Variants in IDS observed in about 807,000 individuals in gnomAD.
IDS encodes iduronate 2-sulfatase.
IDS carries 1 observed loss-of-function variant against 33.5 expected under a neutral mutation model. The observed-to-expected ratio is 0.03, with a 90% CI of 0.01 to 0.14. The LOEUF (loss-of-function observed/expected upper bound fraction) is 0.14, where lower values mean the gene tolerates loss of function less well. IDS is among the 10% of genes least tolerant of loss of function. The pLI is 1.00. For synonymous variants in IDS, 191 were observed against 184.4 expected (o/e 1.04, Z -0.29); for missense variants, 328 against 448.0 (o/e 0.73, Z 2.42).
At position 149,480,785 on chromosome X, in the gene IDS, C is replaced by T. The variant is rs147148694; in HGVS notation, c.*1961G>A. On this transcript the variant is annotated 3_prime_UTR_variant, in exon 9 of 9. Transcript: ENST00000340855. ...GTGAGCCACCGCATCCGACTTCTAACGCACTGGGTTTTAACAAGCCCCTCA... is the reference window on the plus strand; with the variant it reads ...GTGAGCCACCGCATCCGACTTCTAATGCACTGGGTTTTAACAAGCCCCTCA... The T allele has an allele frequency of 5.6e-3, 659 of 117,002 alleles. 1 individual carries two copies. The highest frequency in any genetic ancestry group is 0.018 in the African/African-American group (558 of 31,205). The allele number at this position is 117,002 out of a possible 1,213,427, so 9.6% of individuals were successfully genotyped here.
At position 149,479,876 on chromosome X, in the gene IDS, A is replaced by G; in HGVS notation, c.*2870T>C. On this transcript the variant is annotated 3_prime_UTR_variant, in exon 9 of 9. Coordinates refer to ENST00000340855, the MANE Select transcript of IDS (RefSeq NM_000202.8). ...TGACACATCAGTTTTATAATTAGGA[A>G]AAAAATACCTTTTTAAAGTAAAGCG... is the stretch of plus-strand genomic sequence containing the variant. 1 of 151,398 alleles carries G rather than the reference A, an allele frequency of 6.6e-6. No individual in the cohort carries two copies. Among genetic ancestry groups the G allele is most frequent in the Non-Finnish European group, 1.3e-5 (1 of 78,125 alleles). The allele number at this position is 151,398 out of a possible 1,213,427, so 12.5% of individuals were successfully genotyped here.
chrX:149,504,441 G>T, intron 1 of IDS, 148 bp from the exon 2 acceptor site: 1 of 616,180 alleles, frequency 1.6e-6, no homozygotes, highest in Non-Finnish European at 2.6e-6. Flanking sequence ...CAGCAAGGGT[G>T]GGAGTGGGGC....
chrX:149,478,327 CATT>C lies in IDS; in HGVS notation c.*4416_*4418del, dbSNP rs1252695944. ...ATTTGTACATCCTTGTTGACAGCAA[CATT>C]ATTGCAATGGCCAAAAGGTAGAAAT... On this transcript the variant is annotated 3_prime_UTR_variant, in exon 9 of 9. Transcript: ENST00000340855. 1 of 112,000 alleles carries C rather than the reference CATT, an allele frequency of 8.9e-6. No homozygotes were observed. The highest frequency in any genetic ancestry group is 1.9e-5 in the Non-Finnish European group (1 of 53,202). The allele number at this position is 112,000 out of a possible 1,213,427, so 9.2% of individuals were successfully genotyped here.
chrX:149,491,844 G>A (rs973387492), intron 6 of IDS, among the ~76,000 whole-genome samples: 3 of 112,263 alleles, frequency 2.7e-5, no homozygotes, highest in Non-Finnish European at 5.6e-5. Flanking sequence ...TATCAGTGAG[G>A]CCTGCTGGGT....
At chrX:149,496,638 C>T (rs1016902095) in intron 5 of IDS, 122 bp from the exon 6 acceptor site, 3 of 716,663 alleles carry the variant, frequency 4.2e-6, no homozygotes, top group Non-Finnish European at 4.4e-6. Flanking sequence ...TGGTGGCTCA[C>T]TAGCATTCCC....
At chrX:149,487,416 C>T (rs1405413506) in intron 7 of IDS, 11 of 585,176 alleles carry the variant, frequency 1.9e-5, no homozygotes, top group Non-Finnish European at 3.2e-5. Flanking sequence ...CCCACACATG[C>T]GTTCCTCCCC....
intron 6 of IDS, among the ~76,000 whole-genome samples, chrX:149,494,895 G>A (rs1482629708): frequency 2.7e-5 from 3 of 111,702 alleles, no homozygotes; most frequent in Non-Finnish European, 5.6e-5. Flanking sequence ...ACATGAATTC[G>A]AACCCACACT....
chrX:149,490,071 A>C (rs1362354372), intron 7 of IDS, among the ~76,000 whole-genome samples: 3 of 106,736 alleles, frequency 2.8e-5, no homozygotes, highest in Non-Finnish European at 5.8e-5. Flanking sequence ...TTCATCAAGA[A>C]AAAAAAAAAA....
rs375547801 is a variant in IDS, at chrX:149,500,955, G to A, written c.501C>T (p.Asn167=). The A allele has an allele frequency of 5.2e-6, 6 of 1,155,919 alleles. No homozygotes were observed. The African/African-American group carries it at 1.1e-4, about 21-fold the overall frequency. The change falls in exon 4 of 9, where the codon AAC becomes AAT. Residue 167 remains asparagine, a synonymous_variant. Transcript: ENST00000340855. ...GTCCCTTTCACAGCCTTACCTTAGT[G>A]TTTTCATACTTCTCAGAGGAAGGAT... ...PYHPSSEKYE[N]TKTCRGPDGE...
intron 5 of IDS, 97 bp from the exon 6 acceptor site, chrX:149,496,613 T>G: frequency 2.1e-6 from 2 of 934,307 alleles, no homozygotes; most frequent in African/African-American, 3.8e-5. Flanking sequence ...TCTCTAAGCC[T>G]GGGATGCATT....
chrX:149,502,153 G>A (rs968180836), intron 3 of IDS: 67 of 329,441 alleles, frequency 2.0e-4, no homozygotes, highest in Non-Finnish European at 3.8e-4. Flanking sequence ...CAAAGATTCA[G>A]CTGAAAAATG....
chrX:149,484,606 C>T lies in IDS; in HGVS notation c.1181-1388G>A, dbSNP rs782530943. ...AAGTGCTGGGATTACTGGCGTGAGC[C>T]ACCACGCCCAGCCTTTCACAGCTTT... On this transcript the variant is annotated intron_variant, in intron 8 of 8. Coordinates refer to ENST00000340855, the MANE Select transcript of IDS (RefSeq NM_000202.8). Among the ~76,000 whole-genome samples the T allele has an allele frequency of 2.7e-5, 3 of 112,939 alleles. No individual in the cohort carries two copies. In the East Asian group the frequency reaches 8.3e-4, roughly 31 times the overall value.
At chrX:149,498,577 T>TA (rs1380817232) in intron 4 of IDS, among the ~76,000 whole-genome samples, 14 of 111,043 alleles carry the variant, frequency 1.3e-4, no homozygotes, top group Admixed American at 1.9e-4. Context: ...AGACTAATTA[T>TA]AAAAAAAAAT....
chrX:149,495,255 T>G (rs1557339162), intron 6 of IDS, among the ~76,000 whole-genome samples: 2 of 112,056 alleles, frequency 1.8e-5, no homozygotes, highest in African/African-American at 3.2e-5. Context: ...ATGGATGCAT[T>G]GCTTTCCAAA....
chrX:149,502,739 T>C (rs1412315271), intron 3 of IDS: 1 of 141,655 alleles, frequency 7.1e-6, no homozygotes, highest in African/African-American at 3.1e-5. Flanking sequence ...ATCCCCATAT[T>C]GGCATTAAAG....
chrX:149,490,070 A>G (rs2089375525), intron 7 of IDS, among the ~76,000 whole-genome samples: 1 of 103,302 alleles, frequency 9.7e-6, no homozygotes, highest in South Asian at 4.2e-4. Flanking sequence ...ATTCATCAAG[A>G]AAAAAAAAAA....
At chrX:149,502,619 T>C (rs2089489103) in intron 3 of IDS, 1 of 126,728 alleles carries the variant, frequency 7.9e-6, no homozygotes, top group Non-Finnish European at 1.6e-5. Flanking sequence ...TAAGCATTAT[T>C]GTCCCTATGG....
intron 3 of IDS, chrX:149,503,059 G>A (rs1351348654): frequency 1.1e-5 from 12 of 1,059,943 alleles, no homozygotes; most frequent in Middle Eastern, 3.8e-4. Flanking sequence ...CCTACCACCC[G>A]AGGAGCTGAA....
chrX:149,497,980 T>C (rs1007287843), intron 5 of IDS, 127 bp downstream of exon 5: 1 of 548,896 alleles, frequency 1.8e-6, no homozygotes, highest in Non-Finnish European at 3.2e-6. Context: ...AGGACACTAG[T>C]GCCCATCAGG....
Sources: gnomAD v4.1 joint callset for allele counts (sites outside exome capture counted in the v4.1 genomes callset) on GRCh38, gnomAD v4.1.1 for gene constraint, MANE v1.5 for transcripts, NCBI Gene and HGNC (gene_info 2026-07-23, HGNC 2026-07-21) for gene names.